Variants in COG5 observed in about 807,000 individuals in gnomAD.
COG5 encodes the protein component of oligomeric golgi complex 5, also known as conserved oligomeric Golgi complex subunit 5.
In COG5, 86 loss-of-function variants were observed where a neutral mutation model predicts 110.4. The ratio of observed to expected loss-of-function variants is 0.78; its 90% CI spans 0.65 to 0.93. The LOEUF is 0.93. Among genes scored for constraint, COG5 ranks in the 40% least tolerant of loss-of-function variants. The pLI is 0.00. For missense variants in COG5, 1,077 were observed against 987.0 expected (o/e 1.09, Z -1.22); for synonymous variants, 360 against 334.6 (o/e 1.08, Z -0.83).
At chr7:107,230,338 A>T (rs898144349) in intron 19 of COG5, among the ~76,000 whole-genome samples, 16 of 152,152 alleles carry the variant, frequency 1.1e-4, no homozygotes, top group African/African-American at 2.9e-4. Context: ...CGGAAGCTAA[A>T]AATAAAAAAA....
intron 6 of COG5, among the ~76,000 whole-genome samples, chr7:107,496,836 C>A (rs564506569): frequency 3.3e-5 from 5 of 152,070 alleles, no homozygotes; most frequent in African/African-American, 1.2e-4. Flanking sequence ...TTCCTTAACA[C>A]AATAAAGGTC....
At chr7:107,339,115 G>A (rs1264614859) in intron 10 of COG5, among the ~76,000 whole-genome samples, 1 of 150,450 alleles carries the variant, frequency 6.6e-6, no homozygotes, top group Non-Finnish European at 1.5e-5. Flanking sequence ...TCATCTATCT[G>A]CTATCTTCAA....
intron 14 of COG5, among the ~76,000 whole-genome samples, chr7:107,266,126 C>T (rs1176383306): frequency 3.9e-5 from 6 of 151,984 alleles, no homozygotes; most frequent in Non-Finnish European, 2.9e-5. Context: ...AGAAATTATA[C>T]TTTATGTGGA....
intron 6 of COG5, among the ~76,000 whole-genome samples, chr7:107,487,941 A>T (rs1157364764): frequency 6.6e-6 from 1 of 152,158 alleles, no homozygotes; most frequent in Admixed American, 6.6e-5. Context: ...GAAAATGCTG[A>T]TAATGAATCT....
intron 14 of COG5, among the ~76,000 whole-genome samples, chr7:107,265,747 C>A (rs996010761): frequency 6.6e-6 from 1 of 151,954 alleles, no homozygotes; most frequent in South Asian, 2.1e-4. Context: ...TATCAAAGAT[C>A]CTTCAGGCTA....
chr7:107,469,869 T>C (rs1796528098), intron 6 of COG5: 1 of 152,162 alleles, frequency 6.6e-6, no homozygotes, highest in Admixed American at 6.6e-5. Context: ...ACATATTCTA[T>C]TTAAGAACAA....
chr7:107,532,542 C>T (rs939349091), intron 5 of COG5, among the ~76,000 whole-genome samples: 1 of 152,016 alleles, frequency 6.6e-6, no homozygotes, highest in Non-Finnish European at 1.5e-5. Context: ...TATATATATA[C>T]ACACAAATAT....
At chr7:107,380,353 A>C (rs929302899) in intron 7 of COG5, among the ~76,000 whole-genome samples, 1 of 151,508 alleles carries the variant, frequency 6.6e-6, no homozygotes, top group African/African-American at 2.4e-5. Context: ...AAAAACCCTT[A>C]AAAAAAAATC....
intron 17 of COG5, among the ~76,000 whole-genome samples, chr7:107,247,324 G>T (rs956400865): frequency 5.3e-5 from 8 of 152,058 alleles, no homozygotes; most frequent in Non-Finnish European, 7.4e-5. Context: ...TCCATGACAC[G>T]TGTTTACCTA....
At chr7:107,262,054 C>T (rs142157125) in intron 14 of COG5, among the ~76,000 whole-genome samples, 4,813 of 152,016 alleles carry the variant, frequency 0.032, 243 homozygotes, top group African/African-American at 0.11. Flanking sequence ...CCATGCGTGG[C>T]TAATTTTTGT....
chr7:107,239,316 T>C (rs898601721), intron 17 of COG5, among the ~76,000 whole-genome samples: 4 of 152,202 alleles, frequency 2.6e-5, no homozygotes, highest in African/African-American at 9.6e-5. Context: ...TCTGTTTCAT[T>C]GGTCAATGCC....
intron 17 of COG5, among the ~76,000 whole-genome samples, chr7:107,241,924 G>A (rs1169877481): frequency 6.6e-6 from 1 of 152,000 alleles, no homozygotes; most frequent in East Asian, 1.9e-4. Flanking sequence ...TGGAACTACC[G>A]ATGCACACCA....
At chr7:107,467,515 C>T (rs1407207122) in intron 6 of COG5, among the ~76,000 whole-genome samples, 1 of 152,066 alleles carries the variant, frequency 6.6e-6, no homozygotes, top group African/African-American at 2.4e-5. Flanking sequence ...GCCACCATGC[C>T]TAATTTTTGT....
At chr7:107,343,068 C>A (rs61026223) in intron 10 of COG5, among the ~76,000 whole-genome samples, 2,007 of 152,160 alleles carry the variant, frequency 0.013, 52 homozygotes, top group African/African-American at 0.045. Context: ...CTTTTTACAG[C>A]AACATGGATA....
At chr7:107,359,073 T>C (rs889751995) in intron 10 of COG5, among the ~76,000 whole-genome samples, 1 of 152,160 alleles carries the variant, frequency 6.6e-6, no homozygotes, top group African/African-American at 2.4e-5. Context: ...CACCCACTTC[T>C]GAGTTGGAGG....
intron 8 of COG5, among the ~76,000 whole-genome samples, chr7:107,371,857 T>C (rs1375669234): frequency 6.6e-6 from 1 of 152,196 alleles, no homozygotes; most frequent in Non-Finnish European, 1.5e-5. Flanking sequence ...GCTTGGTCTT[T>C]GCTGGGAGAA....
At chr7:107,560,701 T>C (rs980343591) in intron 1 of COG5, among the ~76,000 whole-genome samples, 12 of 152,226 alleles carry the variant, frequency 7.9e-5, no homozygotes, top group Non-Finnish European at 1.5e-4. Context: ...TTTTTTCATA[T>C]GTAAACCTTG....
chr7:107,294,960 TACAC>T (rs1185587747), intron 12 of COG5, among the ~76,000 whole-genome samples: 1 of 123,640 alleles, frequency 8.1e-6, no homozygotes, highest in African/African-American at 3.1e-5. Context: ...CATATATATA[TACAC>T]ACATATATAT....
At position 107,548,133 on chromosome 7, in the gene COG5, G is replaced by T; in HGVS notation, c.395C>A (p.Thr132Asn). 1 of 1,613,762 alleles carries T rather than the reference G, an allele frequency of 6.2e-7. No individual in the cohort carries two copies. The highest frequency in any genetic ancestry group is 1.7e-4 in the Middle Eastern group (1 of 6,040). The stretch of plus-strand genomic sequence containing the variant: ...TACCTGAAGTCTTGCTAGTTGTGCA[G>T]TCCGGGCAACTATCTTATTGTATGG... ...VEPYNKIVAR[T>N]AQLARLQVAC... The change falls in exon 5 of 22, where the codon ACT becomes AAT. Residue 132 changes from threonine (T) to asparagine (N), a missense_variant. Physicochemically the swap from Thr to Asn is moderately conservative, Grantham distance 65. Coordinates refer to ENST00000297135, the MANE Select transcript of COG5 (RefSeq NM_006348.5).
Sources: gnomAD v4.1 joint callset for allele counts (sites outside exome capture counted in the v4.1 genomes callset) on GRCh38, gnomAD v4.1.1 for gene constraint, MANE v1.5 for transcripts, NCBI Gene and HGNC (gene_info 2026-07-23, HGNC 2026-07-21) for gene names.